Variants in MYT1L observed in about 807,000 individuals in gnomAD.
MYT1L encodes the protein myelin transcription factor 1 like, also known as myelin transcription factor 1-like protein.
Under a neutral mutation model 126.7 loss-of-function variants are expected in MYT1L, and 12 were observed. The observed-to-expected ratio is 0.09, with a 90% CI of 0.06 to 0.15. The LOEUF is 0.15. Ranked by LOEUF, MYT1L falls within the 10% of genes least tolerant of loss-of-function variation. The pLI, the probability that MYT1L is intolerant of heterozygous loss-of-function variation, is 1.00. For missense variants in MYT1L, 979 were observed against 1,585.2 expected (o/e 0.62, Z 6.49); for synonymous variants, 541 against 604.2 (o/e 0.90, Z 1.53).
Position 1,856,886 on chromosome 2 carries a change from C to G in MYT1L, c.2712-5183G>C, listed in dbSNP as rs954109696. 2.6e-5 allele frequency among the ~76,000 whole-genome samples: 4 copies of G among 152,154 alleles called. No individual in the cohort carries two copies. The East Asian group carries it at 7.7e-4, about 29-fold the overall frequency. ...GGCAGAGACTCCTGGAGACAGAGGCCAGGAAAGAGCCCACAGCACAGACAT... is the reference window on the plus strand; with the variant it reads ...GGCAGAGACTCCTGGAGACAGAGGCGAGGAAAGAGCCCACAGCACAGACAT... On this transcript the variant is annotated intron_variant, in intron 18 of 24. Coordinates refer to ENST00000647738, the MANE Select transcript of MYT1L (RefSeq NM_001303052.2).
intron 2 of MYT1L, among the ~76,000 whole-genome samples, chr2:2,183,614 T>C (rs1297296735): frequency 1.3e-5 from 2 of 152,200 alleles, no homozygotes; most frequent in African/African-American, 4.8e-5. Flanking sequence ...ATCCATATTT[T>C]AGCACATATT....
At chr2:2,213,121 C>A (rs1362772924) in intron 2 of MYT1L, among the ~76,000 whole-genome samples, 1 of 152,162 alleles carries the variant, frequency 6.6e-6, no homozygotes, top group African/African-American at 2.4e-5. Flanking sequence ...TAGCTTCTCA[C>A]CAGAACAACC....
intron 3 of MYT1L, among the ~76,000 whole-genome samples, chr2:2,054,978 G>A (rs1256337550): frequency 1.3e-5 from 2 of 152,314 alleles, no homozygotes; most frequent in South Asian, 2.1e-4. Flanking sequence ...AAGAGATGAT[G>A]AGATGCATGG....
chr2:2,301,617 C>G (rs527957447), intron 1 of MYT1L, among the ~76,000 whole-genome samples: 1 of 151,918 alleles, frequency 6.6e-6, no homozygotes, highest in South Asian at 2.1e-4. Flanking sequence ...TCACTTGAGG[C>G]CAGGAGTTCG....
chr2:1,978,697 T>C (rs1012929907), intron 8 of MYT1L, among the ~76,000 whole-genome samples: 12 of 152,260 alleles, frequency 7.9e-5, no homozygotes, highest in African/African-American at 2.9e-4. Flanking sequence ...GCCGTCCAGA[T>C]GTAAGAATGG....
At position 1,929,075 on chromosome 2, in the gene MYT1L, C is replaced by T. The variant is rs1311740638; in HGVS notation, c.506-5812G>A. 6.6e-6 allele frequency among the ~76,000 whole-genome samples: 1 copy of T among 152,118 alleles called. No homozygotes were observed. Among genetic ancestry groups the T allele is most frequent in the East Asian group, 1.9e-4 (1 of 5,178 alleles). ...CCCCTGGCTACTCCCCTGGCCAGGA[C>T]CAGGCGGAGAAGCGTGAGTTCATTT... On this transcript the variant is annotated intron_variant, in intron 9 of 24. Transcript: ENST00000647738. This position sits in a 1 kb window ranked among gnomAD's most constrained non-coding sequence, Gnocchi z 4.7.
intron 21 of MYT1L, among the ~76,000 whole-genome samples, chr2:1,832,473 C>T (rs928623290): frequency 1.3e-5 from 2 of 152,198 alleles, no homozygotes; most frequent in Non-Finnish European, 2.9e-5. Flanking sequence ...ACCCGTGCAG[C>T]TGCTGGGGCT....
chr2:1,931,100 G>A (rs983955497), intron 9 of MYT1L, among the ~76,000 whole-genome samples: 5 of 152,196 alleles, frequency 3.3e-5, no homozygotes, highest in African/African-American at 1.2e-4. Flanking sequence ...ATGGCCTCGG[G>A]TCCTGCTGAG....
rs762371131 is a variant in MYT1L at position 1,943,139 on chromosome 2, C to A, written c.348G>T (p.Glu116Asp). The A allele has an allele frequency of 6.5e-7, 1 of 1,533,008 alleles. No individual in the cohort carries two copies. Among genetic ancestry groups the A allele is most frequent in the African/African-American group, 1.4e-5 (1 of 72,510 alleles). The allele number at this position is 1,533,008 out of a possible 1,614,324, so 95.0% of individuals were successfully genotyped here. A position where few individuals can be genotyped will look rare whatever the true frequency, so the allele number is the denominator to read the frequency against. ...CGTCCTCCTCGTCCTCATCCCCTGGCTCATCATTGTCCTCGGAGTACTCCT... is the reference window on the plus strand; with the variant it reads ...CGTCCTCCTCGTCCTCATCCCCTGGATCATCATTGTCCTCGGAGTACTCCT... ...EGEEYSEDND[E>D]PGDEDEEDEE... The change falls in exon 9 of 25, where the codon GAG becomes GAT. Residue 116 changes from glutamate to aspartate, a missense_variant. This residue lies in a region of MYT1L where 111 missense variants were observed against 115.9 expected (regional missense o/e 0.96). Transcript: ENST00000647738. The surrounding 1 kb of genome is among the most constrained non-coding windows in gnomAD (Gnocchi z 4.4).
chr2:1,794,068 T>C (rs1220740819), intron 23 of MYT1L, among the ~76,000 whole-genome samples: 3 of 152,200 alleles, frequency 2.0e-5, no homozygotes, highest in African/African-American at 7.2e-5. Context: ...TGAGGCGTCA[T>C]GGCCCAGGTC....
chr2:2,057,402 A>G (rs1057217510), intron 3 of MYT1L, among the ~76,000 whole-genome samples: 3 of 150,956 alleles, frequency 2.0e-5, no homozygotes, highest in Non-Finnish European at 1.5e-5. Flanking sequence ...AGCCACACTC[A>G]CCCTTTTCCT....
chr2:2,209,019 CA>C (rs2093411278), intron 2 of MYT1L, among the ~76,000 whole-genome samples: 24 of 152,068 alleles, frequency 1.6e-4, no homozygotes, highest in African/African-American at 4.8e-5. Context: ...CACACACACA[CA>C]CACACCCCAA....
chr2:1,875,500 A>C (rs2046795424), intron 18 of MYT1L, among the ~76,000 whole-genome samples: 1 of 152,222 alleles, frequency 6.6e-6, no homozygotes, highest in Non-Finnish European at 1.5e-5. Context: ...TTGTGGTGAA[A>C]TACTTCGCAC....
intron 2 of MYT1L, among the ~76,000 whole-genome samples, chr2:2,271,116 G>T (rs1047236019): frequency 6.6e-6 from 1 of 152,146 alleles, no homozygotes. Flanking sequence ...TGCAGTGAAG[G>T]GTTCTGACAT....
At chr2:2,057,302 C>G (rs1329762363) in intron 3 of MYT1L, among the ~76,000 whole-genome samples, 1 of 152,062 alleles carries the variant, frequency 6.6e-6, no homozygotes, top group Non-Finnish European at 1.5e-5. Context: ...CCAGCCTTTT[C>G]CTGTTCATCA....
intron 4 of MYT1L, among the ~76,000 whole-genome samples, chr2:2,049,245 T>G (rs982818334): frequency 2.6e-5 from 4 of 152,186 alleles, no homozygotes; most frequent in Non-Finnish European, 4.4e-5. Flanking sequence ...AGCAAAACAA[T>G]TTGATTTGGT....
chr2:1,995,566 G>C (rs1199454717), intron 5 of MYT1L, among the ~76,000 whole-genome samples: 1 of 152,214 alleles, frequency 6.6e-6, no homozygotes, highest in African/African-American at 2.4e-5. Context: ...TATGTTGTCA[G>C]CACAGCCGCT....
At chr2:2,090,247 C>G (rs567291829) in intron 3 of MYT1L, among the ~76,000 whole-genome samples, 37 of 152,070 alleles carry the variant, frequency 2.4e-4, no homozygotes, top group African/African-American at 8.2e-4. Context: ...TTAAACACAC[C>G]CTGTTTAATA....
intron 1 of MYT1L, among the ~76,000 whole-genome samples, chr2:2,294,098 C>T (rs772051069): frequency 3.3e-5 from 5 of 152,154 alleles, no homozygotes; most frequent in Non-Finnish European, 7.3e-5. Flanking sequence ...CTTCATCTAT[C>T]AGTGTAAAAT....
Sources: allele counts gnomAD v4.1 joint callset (sites outside exome capture counted in the v4.1 genomes callset), GRCh38; gene constraint gnomAD v4.1.1; regional missense constraint gnomAD v4.1.1; non-coding constraint Gnocchi (gnomAD v3.1); transcripts MANE v1.5; gene names NCBI Gene and HGNC (gene_info 2026-07-23, HGNC 2026-07-21).